The following EP400 variants were observed in gnomAD, a reference collection of about 807,000 sequenced individuals.
EP400 encodes E1A binding protein p400, also known as E1A-binding protein p400.
In EP400, 105 loss-of-function variants were observed where a neutral mutation model predicts 354.1. The observed-to-expected ratio is 0.30, with a 90% CI of 0.25 to 0.35. EP400 has a LOEUF of 0.35. Ranked by LOEUF, EP400 falls within the 10% of genes least tolerant of loss-of-function variation. The probability of loss-of-function intolerance (pLI) is 1.00; values close to 1 mark genes in which losing one functional copy is unlikely to be tolerated. For synonymous variants in EP400, 1,646 were observed against 1,716.9 expected (o/e 0.96, Z 1.02); for missense variants, 3,280 against 4,121.0 (o/e 0.80, Z 5.59).
In EP400 at chr12:132,054,819, A is replaced by G. The variant is rs1043347880; in HGVS notation, c.7729-155A>G. On this transcript the variant is annotated intron_variant, in intron 43 of 52. Coordinates refer to ENST00000389561, the MANE Select transcript of EP400 (RefSeq NM_015409.5). This position sits in a 1 kb window ranked among gnomAD's most constrained non-coding sequence, Gnocchi z 4.0. ...CAGCAGGTAGACAGAGGGTGGGGGC[A>G]CCGCCAGGTGGAATGAGCTGGGGAG... is the stretch of plus-strand genomic sequence containing the variant. Among the ~76,000 whole-genome samples the G allele has an allele frequency of 1.3e-5, 2 of 151,982 alleles. No individual in the cohort carries two copies. Among genetic ancestry groups the G allele is most frequent in the Non-Finnish European group, 2.9e-5 (2 of 67,968 alleles).
At position 131,990,776 on chromosome 12, in the gene EP400, C is replaced by T. The variant is rs1185669319; in HGVS notation, c.2629+62C>T. Reference sequence around the variant, plus strand: ...TGGTATTTTGTTCGGATTCTTTTCTCAGCAGGCAGTCTCCTGGCGCTGTGG... The same window carrying T: ...TGGTATTTTGTTCGGATTCTTTTCTTAGCAGGCAGTCTCCTGGCGCTGTGG... On this transcript the variant is annotated intron_variant, in intron 9 of 52. Transcript: ENST00000389561. This position sits in a 1 kb window ranked among gnomAD's most constrained non-coding sequence, Gnocchi z 4.2. 1.6e-6 allele frequency: 2 copies of T among 1,279,012 alleles called. No individual in the cohort carries two copies. The highest frequency in any genetic ancestry group is 2.2e-6 in the Non-Finnish European group (2 of 895,520). 79.2% of individuals were successfully genotyped at this position (1,279,012 alleles called of 1,614,324 possible). A position where few individuals can be genotyped will look rare whatever the true frequency, so the allele number is the denominator to read the frequency against.
At chr12:132,065,080 C>T in intron 48 of EP400, 194 bp downstream of exon 48, 1 of 1,039,518 alleles carries the variant, frequency 9.6e-7, no homozygotes, top group Non-Finnish European at 1.4e-6. Flanking sequence ...GCAGCAGCTC[C>T]CAGAGCCCAT....
chr12:132,002,653 C>T (rs753497902), intron 12 of EP400, among the ~76,000 whole-genome samples: 5 of 152,136 alleles, frequency 3.3e-5, no homozygotes, highest in Non-Finnish European at 5.9e-5. Flanking sequence ...GGCTGGTGTC[C>T]GAGAGCAAAT....
chr12:131,979,188 G>T (rs978237279), intron 2 of EP400, among the ~76,000 whole-genome samples: 2 of 151,628 alleles, frequency 1.3e-5, no homozygotes, highest in African/African-American at 4.9e-5. Context: ...CTCCAGCCTG[G>T]GTGACAGAGC....
intron 2 of EP400, among the ~76,000 whole-genome samples, chr12:131,967,812 G>A (rs1477540696): frequency 6.6e-6 from 1 of 151,884 alleles, no homozygotes; most frequent in Non-Finnish European, 1.5e-5. Flanking sequence ...TCTAGTACTT[G>A]TTATTGTCAG....
At chr12:132,049,328 C>T (rs952460152) in intron 39 of EP400, among the ~76,000 whole-genome samples, 5 of 152,244 alleles carry the variant, frequency 3.3e-5, no homozygotes, top group African/African-American at 1.2e-4. Context: ...CTCCCTGCTT[C>T]CCTTTGCTTA....
chr12:132,047,098 CACTT>C (rs1362363002), intron 39 of EP400, among the ~76,000 whole-genome samples: 1 of 152,236 alleles, frequency 6.6e-6, no homozygotes, highest in African/African-American at 2.4e-5. Flanking sequence ...GCGAACATCA[CACTT>C]AATTTATTTC....
At chr12:131,973,584 A>T (rs889421351) in intron 2 of EP400, among the ~76,000 whole-genome samples, 6 of 152,208 alleles carry the variant, frequency 3.9e-5, no homozygotes, top group Non-Finnish European at 7.3e-5. Flanking sequence ...CAGAGGCTAC[A>T]GTGAGCCAAG....
At chr12:131,971,361 A>G (rs1437413242) in intron 2 of EP400, among the ~76,000 whole-genome samples, 2 of 152,152 alleles carry the variant, frequency 1.3e-5, no homozygotes, top group African/African-American at 2.4e-5. Context: ...ATGTGTATAT[A>G]CTATATTATC....
chr12:132,033,853 A>G (rs1463901453), intron 30 of EP400, among the ~76,000 whole-genome samples: 1 of 152,140 alleles, frequency 6.6e-6, no homozygotes, highest in Non-Finnish European at 1.5e-5. Flanking sequence ...TTTTAACAAG[A>G]TGGTTGGTGT....
intron 32 of EP400, 104 bp from the exon 33 acceptor site, chr12:132,043,199 AT>A (rs1894973073): frequency 8.0e-7 from 1 of 1,253,068 alleles, no homozygotes; most frequent in Non-Finnish European, 1.1e-6. Flanking sequence ...AGAGTGGGTG[AT>A]TATAGTGGAG....
rs747808611 is a variant in EP400, at chr12:131,982,407, C to G, written c.1858C>G (p.Gln620Glu). The G allele has an allele frequency of 5.0e-6, 8 of 1,614,048 alleles. No homozygotes were observed. Among genetic ancestry groups the G allele is most frequent in the Non-Finnish European group, 6.8e-6 (8 of 1,180,030 alleles). The part of the protein sequence containing the change: ...QLPIPPSQPA[Q>E]LALHVPTPGK... ...CCCCATCCCTCCCTCGCAGCCTGCACAGCTGGCCCTCCACGTTCCCACACC... is the reference window on the plus strand; with the variant it reads ...CCCCATCCCTCCCTCGCAGCCTGCAGAGCTGGCCCTCCACGTTCCCACACC... The change falls in exon 5 of 53, where the codon CAG (glutamine) becomes GAG (glutamate). Residue 620 changes from glutamine (Q) to glutamate (E), a missense_variant. By Grantham distance (29) the Gln-to-Glu change is conservative. Coordinates refer to ENST00000389561, the MANE Select transcript of EP400 (RefSeq NM_015409.5).
At chr12:131,951,596 ATTAT>A (rs1421037899) in intron 1 of EP400, among the ~76,000 whole-genome samples, 1 of 151,976 alleles carries the variant, frequency 6.6e-6, no homozygotes, top group African/African-American at 2.4e-5. Context: ...AATTTCTGTA[ATTAT>A]TCTTTTTATT....
intron 45 of EP400, among the ~76,000 whole-genome samples, chr12:132,058,693 G>A (rs1009143121): frequency 3.3e-5 from 5 of 152,234 alleles, no homozygotes; most frequent in South Asian, 4.2e-4. Flanking sequence ...AGCCCTTAAC[G>A]GTCTTAGAGC....
In EP400 at chr12:132,064,157, C is replaced by T. The variant is rs546167441; in HGVS notation, c.8335-511C>T. On this transcript the variant is annotated intron_variant, in intron 47 of 52. Coordinates refer to ENST00000389561, the MANE Select transcript of EP400 (RefSeq NM_015409.5). ...TCAACCACTGAGACACCAGTGCCGT[C>T]AACATCAAGGCTGCCACCCAGCCTT... Among the ~76,000 whole-genome samples the T allele has an allele frequency of 2.6e-5, 4 of 152,166 alleles. No individual in the cohort carries two copies. In the South Asian group the frequency reaches 8.3e-4, roughly 32 times the overall value.
At chr12:132,043,262 T>G (rs765831416) in intron 32 of EP400, 42 bp from the exon 33 acceptor site, 1 of 1,581,130 alleles carries the variant, frequency 6.3e-7, no homozygotes, top group Admixed American at 1.9e-5. Context: ...TACCCTCATT[T>G]AAAAAGTCTA....
Position 132,044,818 on chromosome 12 carries a change from C to T in EP400, c.6649C>T (p.Pro2217Ser). 1 of 1,614,168 alleles carries T rather than the reference C, an allele frequency of 6.2e-7. No individual in the cohort carries two copies. Among genetic ancestry groups the T allele is most frequent in the South Asian group, 1.1e-5 (1 of 91,084 alleles). Residue 2217 changes from proline (P) to serine (S), a missense_variant, in exon 37 of 53, where the codon CCG becomes TCG. Pro to Ser is a moderately conservative substitution (Grantham distance 74, BLOSUM62 -1). Transcript: ENST00000389561. The stretch of plus-strand genomic sequence containing the variant: ...CATGCAGCTCTGGACCCCACCCACC[C>T]CGCCGCAGGACGACAGCGACATCTA... ...EVMPLWTPPT[P>S]PQDDSDIYLD...
intron 2 of EP400, among the ~76,000 whole-genome samples, chr12:131,975,008 AAGAC>A (rs1892422726): frequency 1.3e-5 from 2 of 151,488 alleles, no homozygotes; most frequent in Non-Finnish European, 2.9e-5. Flanking sequence ...AAAAAAAAAA[AAGAC>A]CAGAGTATCT....
At position 132,053,534 on chromosome 12, in the gene EP400, G is replaced by A. The variant is rs748061141; in HGVS notation, c.7665G>A (p.Gln2555=). The A allele has an allele frequency of 7.1e-6, 11 of 1,551,858 alleles. No homozygotes were observed. The highest frequency in any genetic ancestry group is 9.5e-6 in the Non-Finnish European group (11 of 1,155,156). The change falls in exon 43 of 53, where the codon CAG becomes CAA. Residue 2555 remains glutamine (Q), a synonymous_variant. Transcript: ENST00000389561. The stretch of plus-strand genomic sequence containing the variant: ...AGCCACAGCCCCAGACCCAGCCACA[G>A]CCTGTGCAGGCCCCAGCGAAGGCGC... The part of the protein sequence containing the change: ...QPQPQPQTQP[Q]PVQAPAKAQP...
Sources: allele counts gnomAD v4.1 joint callset (sites outside exome capture counted in the v4.1 genomes callset), GRCh38; gene constraint gnomAD v4.1.1; non-coding constraint Gnocchi (gnomAD v3.1); transcripts MANE v1.5; gene names NCBI Gene and HGNC (gene_info 2026-07-23, HGNC 2026-07-21).